The following USP43 variants were observed in gnomAD, a reference collection of about 807,000 sequenced individuals.
USP43 encodes ubiquitin carboxyl-terminal hydrolase 43.
Under a neutral mutation model 90.7 loss-of-function variants are expected in USP43, and 33 were observed. That is an observed-to-expected ratio of 0.36 (90% CI 0.28 to 0.49). The LOEUF is 0.49. Ranked by LOEUF, USP43 falls within the 20% of genes least tolerant of loss-of-function variation. The pLI, the probability that USP43 is intolerant of heterozygous loss-of-function variation, is 0.98. For synonymous variants in USP43, 598 were observed against 615.8 expected, an observed-to-expected ratio of 0.97 and a Z score of 0.43; for missense variants, 1,274 against 1,476.4, an observed-to-expected ratio of 0.86 and a Z score of 2.25.
chr17:9,653,269 G>A (rs562003928), intron 1 of USP43, among the ~76,000 whole-genome samples: 1 of 152,166 alleles, frequency 6.6e-6, no homozygotes, highest in Non-Finnish European at 1.5e-5. Flanking sequence ...GAGAGGAATG[G>A]ATTTCACATG....
intron 12 of USP43, among the ~76,000 whole-genome samples, chr17:9,704,229 G>T (rs1292471231): frequency 6.6e-6 from 1 of 152,106 alleles, no homozygotes; most frequent in Non-Finnish European, 1.5e-5. Flanking sequence ...TTCATTGCTT[G>T]TATTGGGACC....
intron 2 of USP43, 121 bp from the exon 3 acceptor site, chr17:9,666,525 ACT>A (rs1913047328): frequency 1.4e-6 from 1 of 732,632 alleles, no homozygotes; most frequent in East Asian, 2.7e-5. Flanking sequence ...GAAGGTTGAG[ACT>A]CTACAGAGGC....
chr17:9,678,952 A>G (rs1373714090), intron 5 of USP43, among the ~76,000 whole-genome samples: 3 of 152,230 alleles, frequency 2.0e-5, no homozygotes, highest in African/African-American at 7.2e-5. Context: ...CAATCTTCCC[A>G]TGTAACACAA....
Position 9,645,817 on chromosome 17 carries a change from C to T in USP43, c.185C>T (p.Ala62Val), listed in dbSNP as rs1911345783. The T allele has an allele frequency of 2.9e-6, 4 of 1,390,492 alleles. No homozygotes were observed. The highest frequency in any genetic ancestry group is 2.5e-4 in the Middle Eastern group (1 of 4,080). 86.1% of individuals were successfully genotyped at this position (1,390,492 alleles called of 1,614,324 possible). ...GATGGCGACGGTGAGGGGGGCTTCG[C>T]CTGCGCCCCGGGCCCAGTTCCAGCG... is the stretch of plus-strand genomic sequence containing the variant. ...HCDGDGEGGF[A>V]CAPGPVPAAP... Residue 62 changes from alanine (A) to valine (V), a missense_variant, in exon 1 of 15, where the codon GCC becomes GTC. By Grantham distance (64) the Ala-to-Val change is moderately conservative. Coordinates refer to ENST00000285199, the MANE Select transcript of USP43 (RefSeq NM_153210.5). This position sits in a 1 kb window ranked among gnomAD's most constrained non-coding sequence, Gnocchi z 6.8.
At chr17:9,718,590 C>T (rs1422848639) in intron 14 of USP43, among the ~76,000 whole-genome samples, 3 of 152,070 alleles carry the variant, frequency 2.0e-5, no homozygotes, top group Non-Finnish European at 2.9e-5. Flanking sequence ...CCTGTAATCC[C>T]AGCACTTTGG....
chr17:9,689,142 G>T (rs1037349465), intron 8 of USP43, among the ~76,000 whole-genome samples: 2 of 151,762 alleles, frequency 1.3e-5, no homozygotes, highest in South Asian at 2.1e-4. Context: ...TGTTCTAGAT[G>T]GTTGTGAGGC....
intron 1 of USP43, among the ~76,000 whole-genome samples, chr17:9,650,083 T>A (rs1911752027): frequency 6.6e-6 from 1 of 152,170 alleles, no homozygotes; most frequent in Non-Finnish European, 1.5e-5. Context: ...TTTTGTAAGT[T>A]CTGGACAAAA....
chr17:9,704,609 G>C (rs893833098), intron 12 of USP43, among the ~76,000 whole-genome samples: 3 of 152,154 alleles, frequency 2.0e-5, no homozygotes, highest in East Asian at 1.9e-4. Flanking sequence ...GAGCCACTGC[G>C]CCTGGCCTAG....
chr17:9,688,068 C>T (rs1329540691), intron 8 of USP43, among the ~76,000 whole-genome samples: 1 of 152,042 alleles, frequency 6.6e-6, no homozygotes, highest in Non-Finnish European at 1.5e-5. Context: ...TCACTGCAAG[C>T]TCCGCCTCCC....
chr17:9,685,463 C>A (rs1052429835), intron 7 of USP43, among the ~76,000 whole-genome samples: 1 of 152,214 alleles, frequency 6.6e-6, no homozygotes, highest in Non-Finnish European at 1.5e-5. Context: ...CTCTGCCTTG[C>A]CTTCCCCTGG....
At chr17:9,722,465 T>G (rs892828386) in intron 14 of USP43, among the ~76,000 whole-genome samples, 3 of 152,190 alleles carry the variant, frequency 2.0e-5, no homozygotes, top group Non-Finnish European at 4.4e-5. Context: ...GAAACTTGAT[T>G]TTGTTCATTT....
At chr17:9,647,077 AAAAAG>A (rs1911472418) in intron 1 of USP43, 4 of 148,400 alleles carry the variant, frequency 2.7e-5, no homozygotes, top group African/African-American at 1.0e-4. Context: ...AAAAAAAAAA[AAAAAG>A]AAAAAAAAGA....
intron 8 of USP43, 137 bp from the exon 9 acceptor site, chr17:9,692,990 T>G (rs777083167): frequency 1.0e-4 from 75 of 728,694 alleles, no homozygotes; most frequent in Non-Finnish European, 1.5e-4. Context: ...AATTTTGAAT[T>G]CTAATTATTA....
Position 9,682,884 on chromosome 17 carries a change from CCTCT to C in USP43, c.1173_1176del (p.Leu392ThrfsTer7), listed in dbSNP as rs1189113530. The stretch of plus-strand genomic sequence containing the variant: ...CAGCCCGTGAGGGCCAGCGATTCTC[CCTCT>C]CTCTCCACAGTGAGAGCAAGGTGCT... On this transcript the variant is annotated frameshift_variant, in exon 7 of 15. Transcript: ENST00000285199. LOFTEE classifies it high-confidence loss of function. 6.2e-7 allele frequency: 1 copy of C among 1,613,892 alleles called. No homozygotes were observed. Among genetic ancestry groups the C allele is most frequent in the African/African-American group, 1.3e-5 (1 of 74,930 alleles).
chr17:9,707,062 AT>A (rs1173904993), intron 12 of USP43, among the ~76,000 whole-genome samples: 1 of 152,134 alleles, frequency 6.6e-6, no homozygotes, highest in Non-Finnish European at 1.5e-5. Flanking sequence ...CCATAGATGT[AT>A]TTTTTGTTTT....
At chr17:9,704,270 G>A (rs552094379) in intron 12 of USP43, among the ~76,000 whole-genome samples, 3 of 99,908 alleles carry the variant, frequency 3.0e-5, no homozygotes, top group African/African-American at 8.1e-5. Flanking sequence ...GTCTGCAGAC[G>A]TGATCTTCAG....
intron 3 of USP43, among the ~76,000 whole-genome samples, chr17:9,669,513 C>T (rs76990505): frequency 0.018 from 2,809 of 152,248 alleles, 82 homozygotes; most frequent in African/African-American, 0.063. Context: ...TGCCCTACTG[C>T]GTGCTGGGTT....
At position 9,645,597 on chromosome 17, in the gene USP43, G is replaced by C; in HGVS notation, c.-36G>C. On this transcript the variant is annotated 5_prime_UTR_variant, in exon 1 of 15. Transcript: ENST00000285199. The surrounding 1 kb of genome is among the most constrained non-coding windows in gnomAD (Gnocchi z 6.8). ...CTGGCCGCTCGTCCGCCTCGCGCCCGGGGGCTCCGCGCCTGGAGCTGCGCC... is the reference window on the plus strand; with the variant it reads ...CTGGCCGCTCGTCCGCCTCGCGCCCCGGGGCTCCGCGCCTGGAGCTGCGCC... 2.5e-6 allele frequency: 3 copies of C among 1,180,562 alleles called. No homozygotes were observed. Among genetic ancestry groups the C allele is most frequent in the East Asian group, 7.6e-5 (2 of 26,320 alleles). 73.1% of individuals were successfully genotyped at this position (1,180,562 alleles called of 1,614,324 possible). A position where few individuals can be genotyped will look rare whatever the true frequency, so the allele number is the denominator to read the frequency against.
chr17:9,660,039 C>T (rs927352473), intron 2 of USP43, among the ~76,000 whole-genome samples: 11 of 152,102 alleles, frequency 7.2e-5, no homozygotes, highest in East Asian at 3.9e-4. Context: ...ATCACCATTC[C>T]CCTAACCCAG....
Sources: allele counts gnomAD v4.1 joint callset (sites outside exome capture counted in the v4.1 genomes callset), GRCh38; gene constraint gnomAD v4.1.1; non-coding constraint Gnocchi (gnomAD v3.1); transcripts MANE v1.5; gene names NCBI Gene and HGNC (gene_info 2026-07-23, HGNC 2026-07-21).